The following TOP1 variants were observed in gnomAD, a reference collection of about 807,000 sequenced individuals.
TOP1 encodes the protein DNA topoisomerase I, also known as DNA topoisomerase 1.
A neutral mutation model predicts 111.1 loss-of-function variants in TOP1; 10 were observed. The observed-to-expected ratio is 0.09, with a 90% CI of 0.06 to 0.15. The LOEUF is 0.15. Ranked by LOEUF, TOP1 falls within the 10% of genes least tolerant of loss-of-function variation. The pLI, the probability that TOP1 is intolerant of heterozygous loss-of-function variation, is 1.00. For synonymous variants in TOP1, 271 were observed against 302.9 expected (o/e 0.89, Z 1.10); for missense variants, 474 against 926.7 (o/e 0.51, Z 6.34).
Position 41,097,083 on chromosome 20 carries a change from G to A in TOP1, c.731-137G>A. 1 of 805,706 alleles carries A rather than the reference G, an allele frequency of 1.2e-6. No homozygotes were observed. Among genetic ancestry groups the A allele is most frequent in the Non-Finnish European group, 1.9e-6 (1 of 518,350 alleles). The allele number at this position is 805,706 out of a possible 1,614,324, so 49.9% of individuals were successfully genotyped here. A position where few individuals can be genotyped will look rare whatever the true frequency, so the allele number is the denominator to read the frequency against. On this transcript the variant is annotated intron_variant, in intron 9 of 20. Transcript: ENST00000361337. The surrounding 1 kb of genome is among the most constrained non-coding windows in gnomAD (Gnocchi z 4.2). ...AAATCAGTATGTTGTCTTTGTTGTT[G>A]TTGCTACTATGTGTCACCAGACCTT...
At position 41,058,318 on chromosome 20, in the gene TOP1, T is replaced by TA. The variant is rs1393787382; in HGVS notation, c.59-3075dup. On this transcript the variant is annotated intron_variant, in intron 2 of 20. Coordinates refer to ENST00000361337, the MANE Select transcript of TOP1 (RefSeq NM_003286.4). This position sits in a 1 kb window ranked among gnomAD's most constrained non-coding sequence, Gnocchi z 4.2. ...ATAATAGCTTAAAACAACAGACACT[T>TA]ATTTTCTCATGTAGTTCCTGTGAGT... 3.3e-5 allele frequency among the ~76,000 whole-genome samples: 5 copies of TA among 152,358 alleles called. No homozygotes were observed. The South Asian group carries it at 1.0e-3, about 32-fold the overall frequency.
rs1381460192 is a variant in TOP1, at chr20:41,071,013, C to A, written c.156-5158C>A. ...TTAGATGAGTGCTTGGCACTGGGTG[C>A]TACTCAAGTATCTGTTAAATACTTT... On this transcript the variant is annotated intron_variant, in intron 3 of 20. Coordinates refer to ENST00000361337, the MANE Select transcript of TOP1 (RefSeq NM_003286.4). The surrounding 1 kb of genome is among the most constrained non-coding windows in gnomAD (Gnocchi z 4.3). Among the ~76,000 whole-genome samples, 1 of 152,210 alleles carries A rather than the reference C, an allele frequency of 6.6e-6. No individual in the cohort carries two copies. Among genetic ancestry groups the A allele is most frequent in the Non-Finnish European group, 1.5e-5 (1 of 68,046 alleles).
At chr20:41,091,379 T>A (rs554619007) in intron 8 of TOP1, among the ~76,000 whole-genome samples, 1 of 152,210 alleles carries the variant, frequency 6.6e-6, no homozygotes, top group East Asian at 1.9e-4. Flanking sequence ...GGACTGGGAA[T>A]TAGAATTATA....
At chr20:41,038,686 G>C (rs565549221) in intron 2 of TOP1, among the ~76,000 whole-genome samples, 1 of 152,010 alleles carries the variant, frequency 6.6e-6, no homozygotes, top group South Asian at 2.1e-4. Flanking sequence ...ACCTTAAATT[G>C]TGGATTAAAA....
intron 3 of TOP1, among the ~76,000 whole-genome samples, chr20:41,074,541 T>C (rs527665211): frequency 6.6e-6 from 1 of 152,176 alleles, no homozygotes; most frequent in East Asian, 1.9e-4. Context: ...TAACCTATAG[T>C]GTGTCCTGTT....
Position 41,098,790 on chromosome 20 carries a change from T to C in TOP1, c.975+453T>C, listed in dbSNP as rs1240390193. On this transcript the variant is annotated intron_variant, in intron 11 of 20. Coordinates refer to ENST00000361337, the MANE Select transcript of TOP1 (RefSeq NM_003286.4). The surrounding 1 kb of genome is among the most constrained non-coding windows in gnomAD (Gnocchi z 5.7). ...TCATTACTGAAGGATCTTTCTGGTA[T>C]CCAGCTGGGATGTCATTTTTCTTCT... 3 of 151,784 alleles carry C rather than the reference T, an allele frequency of 2.0e-5. No individual in the cohort carries two copies. The highest frequency in any genetic ancestry group is 4.4e-5 in the Non-Finnish European group (3 of 68,080). 9.4% of individuals were successfully genotyped at this position (151,784 alleles called of 1,614,324 possible).
chr20:41,093,058 ATC>A (rs2033939129), intron 9 of TOP1, among the ~76,000 whole-genome samples: 1 of 152,236 alleles, frequency 6.6e-6, no homozygotes, highest in Admixed American at 6.5e-5. Flanking sequence ...GCTGGTAGGC[ATC>A]TGTCACCTAT....
chr20:41,029,197 T>C lies in TOP1; in HGVS notation c.33+97T>C. The C allele has an allele frequency of 9.5e-7, 1 of 1,050,306 alleles. No individual in the cohort carries two copies. Among genetic ancestry groups the C allele is most frequent in the Non-Finnish European group, 1.3e-6 (1 of 785,936 alleles). 65.1% of individuals were successfully genotyped at this position (1,050,306 alleles called of 1,614,324 possible). A position where few individuals can be genotyped will look rare whatever the true frequency, so the allele number is the denominator to read the frequency against. The stretch of plus-strand genomic sequence containing the variant: ...GACCCCAGCCCCGGCCCGGCAGCTT[T>C]GACAGGCCGGAGCCCCCGGTGAGGG... On this transcript the variant is annotated intron_variant, in intron 1 of 20. Transcript: ENST00000361337. The surrounding 1 kb of genome is among the most constrained non-coding windows in gnomAD (Gnocchi z 6.1).
chr20:41,065,270 T>A (rs749789451), intron 3 of TOP1, among the ~76,000 whole-genome samples: 17 of 152,164 alleles, frequency 1.1e-4, no homozygotes, highest in Admixed American at 5.2e-4. Context: ...CACTTACTAG[T>A]CTATATTTAT....
rs2033337614 is a variant in TOP1 at position 41,046,606 on chromosome 20, A to AT, written c.59-14782dup. ...TGCAGCAAAGCCCCCTGGATAGTTT[A>AT]TTTTTTAGCAGTTCAGCTTGTGCTT... On this transcript the variant is annotated intron_variant, in intron 2 of 20. Transcript: ENST00000361337. This position sits in a 1 kb window ranked among gnomAD's most constrained non-coding sequence, Gnocchi z 4.3. Among the ~76,000 whole-genome samples the AT allele has an allele frequency of 6.6e-6, 1 of 152,176 alleles. No individual in the cohort carries two copies. Among genetic ancestry groups the AT allele is most frequent in the African/African-American group, 2.4e-5 (1 of 41,448 alleles).
Position 41,095,614 on chromosome 20 carries a change from C to T in TOP1, c.731-1606C>T, listed in dbSNP as rs1311256987. ...CCAAAGTGGGTTCTTTCTATTATAA[C>T]TGTTTCAATATTGTGCTACAGTTCT... On this transcript the variant is annotated intron_variant, in intron 9 of 20. Transcript: ENST00000361337. The surrounding 1 kb of genome is among the most constrained non-coding windows in gnomAD (Gnocchi z 4.6). 6.6e-6 allele frequency among the ~76,000 whole-genome samples: 1 copy of T among 152,076 alleles called. No individual in the cohort carries two copies. The highest frequency in any genetic ancestry group is 1.9e-4 in the East Asian group (1 of 5,196).
Position 41,088,171 on chromosome 20 carries a change from AGGAGTCGTAAAAACAGTTT to A in TOP1, c.614+3610_614+3628del, listed in dbSNP as rs531741335. On this transcript the variant is annotated intron_variant, in intron 8 of 20. Transcript: ENST00000361337. ...GTCTTCAGGATACACATGTTGAAAT[AGGAGTCGTAAAAACAGTTT>A]GGAGTCTTGATTTAAAAACACTGTA... Among the ~76,000 whole-genome samples, 68 of 152,340 alleles carry A rather than the reference AGGAGTCGTAAAAACAGTTT, an allele frequency of 4.5e-4. 2 individuals carry two copies. In the South Asian group the frequency reaches 0.014, roughly 31 times the overall value.
chr20:41,099,538 C>G (rs1398734560), intron 11 of TOP1, among the ~76,000 whole-genome samples: 1 of 152,066 alleles, frequency 6.6e-6, no homozygotes, highest in Non-Finnish European at 1.5e-5. Context: ...TCAAAATCTC[C>G]CCCACCATCC....
At chr20:41,050,699 A>G (rs1264273368) in intron 2 of TOP1, among the ~76,000 whole-genome samples, 1 of 152,138 alleles carries the variant, frequency 6.6e-6, no homozygotes, top group Admixed American at 6.5e-5. Context: ...CCTTTTAATG[A>G]TGACAAGTTT....
rs996438231 is a variant in TOP1, at chr20:41,092,834, A to T, written c.730+247A>T. Among the ~76,000 whole-genome samples, 1 of 152,224 alleles carries T rather than the reference A, an allele frequency of 6.6e-6. No homozygotes were observed. The highest frequency in any genetic ancestry group is 2.4e-5 in the African/African-American group (1 of 41,466). On this transcript the variant is annotated intron_variant, in intron 9 of 20. Coordinates refer to ENST00000361337, the MANE Select transcript of TOP1 (RefSeq NM_003286.4). The surrounding 1 kb of genome is among the most constrained non-coding windows in gnomAD (Gnocchi z 4.3). The stretch of plus-strand genomic sequence containing the variant: ...CATAGTCCAAAAAAGGTTTGTCAAC[A>T]TGGCTAACAGTGTGTGGTCCACAAG...
rs762751843 is a variant in TOP1, at chr20:41,097,282, G to A, written c.793G>A (p.Asp265Asn). The A allele has an allele frequency of 1.9e-6, 3 of 1,613,882 alleles. No individual in the cohort carries two copies. Among genetic ancestry groups the A allele is most frequent in the Admixed American group, 3.3e-5 (2 of 60,008 alleles). Residue 265 changes from aspartate (D) to asparagine (N), a missense_variant, in exon 10 of 21, where the codon GAC (aspartate) becomes AAC (asparagine). Asp to Asn is a conservative substitution (Grantham distance 23, BLOSUM62 1). Coordinates refer to ENST00000361337, the MANE Select transcript of TOP1 (RefSeq NM_003286.4). This position sits in a 1 kb window ranked among gnomAD's most constrained non-coding sequence, Gnocchi z 4.2. ...AGCTACGTTCTTTGCAAAAATGCTC[G>A]ACCATGAATATACTACCAAGGAAAT... ...EVATFFAKMLDHEYTTKEIFR... is the reference protein window; with the variant it reads ...EVATFFAKMLNHEYTTKEIFR...
chr20:41,072,148 C>T (rs1300308841), intron 3 of TOP1: 1 of 785,258 alleles, frequency 1.3e-6, no homozygotes, highest in Non-Finnish European at 1.5e-6. Flanking sequence ...ACTGAAGTTT[C>T]TTCAGTAATT....
chr20:41,117,630 C>T (rs1327573764), intron 17 of TOP1, among the ~76,000 whole-genome samples: 2 of 151,894 alleles, frequency 1.3e-5, no homozygotes, highest in Non-Finnish European at 2.9e-5. Flanking sequence ...TGTGATCCGC[C>T]CGCCTCGGCC....
At position 41,115,695 on chromosome 20, in the gene TOP1, C is replaced by T. The variant is rs1195516900; in HGVS notation, c.1707+256C>T. On this transcript the variant is annotated intron_variant, in intron 16 of 20. Transcript: ENST00000361337. The surrounding 1 kb of genome is among the most constrained non-coding windows in gnomAD (Gnocchi z 6.3). ...GCCCTACCTTTTATCCTTCCCTGCT[C>T]CTGCAGAGCTTTCCCTTCACTGAAT... 1.3e-5 allele frequency among the ~76,000 whole-genome samples: 2 copies of T among 152,182 alleles called. No homozygotes were observed. Among genetic ancestry groups the T allele is most frequent in the African/African-American group, 4.8e-5 (2 of 41,432 alleles).
Sources: gnomAD v4.1 joint callset for allele counts (sites outside exome capture counted in the v4.1 genomes callset) on GRCh38, gnomAD v4.1.1 for gene constraint, Gnocchi (gnomAD v3.1) non-coding constraint, MANE v1.5 for transcripts, NCBI Gene and HGNC (gene_info 2026-07-23, HGNC 2026-07-21) for gene names.